NALCN: variants seen among roughly 807,000 people sequenced by gnomAD.
NALCN encodes the protein sodium leak channel, non-selective, also known as sodium leak channel NALCN.
In NALCN, 111 loss-of-function variants were observed where a neutral mutation model predicts 225.3. The observed-to-expected ratio is 0.49, with a 90% confidence interval of 0.42 to 0.58. The LOEUF (loss-of-function observed/expected upper bound fraction) is 0.58, where lower values mean the gene tolerates loss of function less well. Among genes scored for constraint, NALCN ranks in the 20% least tolerant of loss-of-function variants. The pLI is 0.00. For missense variants in NALCN, 1,378 were observed against 2,202.4 expected, an observed-to-expected ratio of 0.63 and a Z score of 7.49; for synonymous variants, 764 against 769.0, an observed-to-expected ratio of 0.99 and a Z score of 0.11.
At chr13:101,317,875 CT>C (rs911009977) in intron 7 of NALCN, among the ~76,000 whole-genome samples, 5 of 152,098 alleles carry the variant, frequency 3.3e-5, no homozygotes, top group South Asian at 2.1e-4. Context: ...GATTATTCCA[CT>C]TTTTTTTAAA....
intron 6 of NALCN, chr13:101,368,974 C>T (rs1164253608): frequency 2.9e-6 from 1 of 350,574 alleles, no homozygotes; most frequent in African/African-American, 2.2e-5. Flanking sequence ...CCACTGCACT[C>T]CAGCCTGGGT....
At chr13:101,415,951 G>A (rs965578565) in intron 1 of NALCN, among the ~76,000 whole-genome samples, 4 of 152,192 alleles carry the variant, frequency 2.6e-5, no homozygotes, top group Admixed American at 6.5e-5. Context: ...ATGCCCAGGC[G>A]GGGCAGGCCC....
chr13:101,181,052 C>T, intron 14 of NALCN: 1 of 516,144 alleles, frequency 1.9e-6, no homozygotes, highest in Non-Finnish European at 3.9e-6. Flanking sequence ...CTTGGAGAGC[C>T]CATCTGGGCA....
intron 13 of NALCN, among the ~76,000 whole-genome samples, chr13:101,226,027 A>G (rs1037820674): frequency 9.9e-5 from 15 of 152,110 alleles, no homozygotes; most frequent in Non-Finnish European, 2.9e-5. Flanking sequence ...CAGAAAGAAT[A>G]TACCACCCCT....
At position 101,379,409 on chromosome 13, in the gene NALCN, A is replaced by G. The variant is rs181827337; in HGVS notation, c.292-756T>C. Reference sequence around the variant, plus strand: ...ACAAATCATTCTAGTACAAGGACACATGCACACGTATGTTTATTGCAGCAC... The same window carrying G: ...ACAAATCATTCTAGTACAAGGACACGTGCACACGTATGTTTATTGCAGCAC... On this transcript the variant is annotated intron_variant, in intron 3 of 43. Transcript: ENST00000251127. Among the ~76,000 whole-genome samples, 29 of 152,336 alleles carry G rather than the reference A, an allele frequency of 1.9e-4. No homozygotes were observed. The East Asian group carries it at 4.2e-3, about 22-fold the overall frequency.
chr13:101,094,263 G>A (rs890804618), intron 28 of NALCN, among the ~76,000 whole-genome samples: 5 of 152,118 alleles, frequency 3.3e-5, no homozygotes, highest in African/African-American at 1.2e-4. Context: ...CTCTCCAGAT[G>A]GTGATGAGCA....
intron 7 of NALCN, among the ~76,000 whole-genome samples, chr13:101,306,577 A>G (rs973260305): frequency 9.9e-5 from 15 of 152,174 alleles, no homozygotes; most frequent in Non-Finnish European, 2.9e-5. Flanking sequence ...GTGTAGCTTC[A>G]GTGTTCACAT....
At chr13:101,184,905 C>T (rs2039385881) in intron 14 of NALCN, among the ~76,000 whole-genome samples, 1 of 151,612 alleles carries the variant, frequency 6.6e-6, no homozygotes, top group South Asian at 2.1e-4. Flanking sequence ...GATTTTTTTC[C>T]TTTTATATAG....
intron 14 of NALCN, among the ~76,000 whole-genome samples, chr13:101,177,162 C>T (rs183826816): frequency 1.4e-3 from 209 of 152,234 alleles, no homozygotes; most frequent in African/African-American, 4.4e-3. Flanking sequence ...GGCACTCCAG[C>T]CCTAGTAAAA....
At chr13:101,116,523 T>C (rs1258801556) in intron 18 of NALCN, 1 of 516,612 alleles carries the variant, frequency 1.9e-6, no homozygotes, top group African/African-American at 1.9e-5. Context: ...TCCCCGGTTC[T>C]TTTCTTCTTT....
In NALCN at chr13:101,111,209, C is replaced by T. The variant is rs370683741; in HGVS notation, c.2210G>A (p.Arg737His). 18 of 1,595,664 alleles carry T rather than the reference C, an allele frequency of 1.1e-5. No individual in the cohort carries two copies. Among genetic ancestry groups the T allele is most frequent in the African/African-American group, 5.4e-5 (4 of 74,622 alleles). ...TKILRACTRQ[R>H]MLSGSFEGQP... is the part of the protein sequence containing the mutation. ...CCCCTCAAATGATCCGCTCAGCATG[C>T]GCTGTCGGGTGCAAGCTCTAGGAAA... The change falls in exon 19 of 44, where the codon CGC becomes CAC. Residue 737 changes from arginine to histidine, a missense_variant. Physicochemically the swap from Arg to His is conservative, Grantham distance 29. Coordinates refer to ENST00000251127, the MANE Select transcript of NALCN (RefSeq NM_052867.4).
At position 101,103,314 on chromosome 13, in the gene NALCN, A is replaced by G; in HGVS notation, c.2915T>C (p.Met972Thr). The G allele has an allele frequency of 6.2e-7, 1 of 1,612,384 alleles. No individual in the cohort carries two copies. The highest frequency in any genetic ancestry group is 1.3e-5 in the African/African-American group (1 of 74,872). The change falls in exon 26 of 44, where the codon ATG becomes ACG. Residue 972 changes from methionine (M) to threonine (T), a missense_variant. Around this residue, in one of 19 missense-constraint regions of NALCN, gnomAD observed 292 missense variants for 409.5 expected, o/e 0.71. Coordinates refer to ENST00000251127, the MANE Select transcript of NALCN (RefSeq NM_052867.4). ...YLVSLIFLCW[M>T]PQNVPAESGA... Reference sequence around the variant, plus strand: ...CGATTCAGCAGGTACATTTTGAGGCATCCAACAAAGAAATATCAAGCTCAC... The same window carrying G: ...CGATTCAGCAGGTACATTTTGAGGCGTCCAACAAAGAAATATCAAGCTCAC...
At chr13:101,167,845 A>C (rs978820739) in intron 15 of NALCN, among the ~76,000 whole-genome samples, 3 of 149,638 alleles carry the variant, frequency 2.0e-5, no homozygotes, top group African/African-American at 7.3e-5. Flanking sequence ...TCAAAAAAAA[A>C]CAAAAACAAA....
intron 43 of NALCN, 127 bp downstream of exon 43, chr13:101,057,812 T>G: frequency 2.6e-6 from 2 of 780,070 alleles, no homozygotes; most frequent in Non-Finnish European, 4.5e-6. Context: ...CATTTTTCAT[T>G]ATGTTGCTGT....
At chr13:101,333,053 AGAGT>A (rs933295457) in intron 7 of NALCN, among the ~76,000 whole-genome samples, 8 of 152,222 alleles carry the variant, frequency 5.3e-5, no homozygotes, top group Non-Finnish European at 8.8e-5. Context: ...GTACCTATAT[AGAGT>A]AAGTGCAAAA....
intron 13 of NALCN, among the ~76,000 whole-genome samples, chr13:101,206,266 T>C (rs969241001): frequency 3.3e-5 from 5 of 152,122 alleles, no homozygotes; most frequent in Admixed American, 3.3e-4. Context: ...TCAACTTTGA[T>C]TTCTCATTTC....
At chr13:101,351,560 G>A (rs1005902109) in intron 6 of NALCN, among the ~76,000 whole-genome samples, 1 of 152,108 alleles carries the variant, frequency 6.6e-6, no homozygotes, top group East Asian at 1.9e-4. Flanking sequence ...GCGGTGCAGA[G>A]CACTGAGCTG....
intron 10 of NALCN, among the ~76,000 whole-genome samples, chr13:101,260,244 T>C (rs2042380699): frequency 6.6e-6 from 1 of 152,232 alleles, no homozygotes; most frequent in Non-Finnish European, 1.5e-5. Flanking sequence ...CCATTACGCA[T>C]ATGTACTGTA....
chr13:101,335,412 A>T (rs1042102337), intron 7 of NALCN, among the ~76,000 whole-genome samples: 2 of 152,190 alleles, frequency 1.3e-5, no homozygotes, highest in East Asian at 3.9e-4. Flanking sequence ...AGGGGCACTT[A>T]TGATTCAAGA....
Sources: gnomAD v4.1 joint callset for allele counts (sites outside exome capture counted in the v4.1 genomes callset) on GRCh38, gnomAD v4.1.1 for gene constraint, gnomAD v4.1.1 regional missense constraint, MANE v1.5 for transcripts, NCBI Gene and HGNC (gene_info 2026-07-23, HGNC 2026-07-21) for gene names.